The following MPDZ variants were observed in gnomAD, a reference collection of about 807,000 sequenced individuals.
MPDZ encodes the protein multiple PDZ domain crumbs cell polarity complex component.
MPDZ carries 234 observed loss-of-function variants against 239.1 expected under a neutral mutation model. That is an observed-to-expected ratio of 0.98 (90% CI 0.88 to 1.09). The LOEUF (loss-of-function observed/expected upper bound fraction) is 1.09, where lower values mean the gene tolerates loss of function less well. MPDZ is among the 50% of genes least tolerant of loss of function. MPDZ has a pLI of 0.00. For synonymous variants in MPDZ, 1,048 were observed against 881.3 expected, an observed-to-expected ratio of 1.19 and a Z score of -3.35; for missense variants, 3,175 against 2,510.0, an observed-to-expected ratio of 1.26 and a Z score of -5.66.
intron 22 of MPDZ, among the ~76,000 whole-genome samples, chr9:13,165,887 G>A (rs1432862675): frequency 6.6e-6 from 1 of 152,076 alleles, no homozygotes; most frequent in African/African-American, 2.4e-5. Flanking sequence ...TCTTAAACTG[G>A]CTGTTCTTGA....
At chr9:13,140,776 A>T (rs1164096509) in intron 27 of MPDZ, 1 of 152,120 alleles carries the variant, frequency 6.6e-6, no homozygotes, top group Non-Finnish European at 1.5e-5. Flanking sequence ...AGAAAAAAAA[A>T]TTAACAAAGA....
In MPDZ at chr9:13,125,219, G is replaced by A. The variant is rs770258839; in HGVS notation, c.4804C>T (p.Arg1602Ter). 8.2e-6 allele frequency: 13 copies of A among 1,590,900 alleles called. No individual in the cohort carries two copies. The highest frequency in any genetic ancestry group is 2.3e-5 in the South Asian group (2 of 88,464). ...QSGSPEPESI[R>*]NTSRSSTPAI... ...CTCATGAGTCCAGAGGCCTTACTTC[G>A]GATGGACTCCGGTTCTGGGGAGCCA... is the stretch of plus-strand genomic sequence containing the variant. Residue 1602 changes from arginine to a stop codon, truncating the protein, a stop_gained, in exon 35 of 47, where the codon CGA (arginine) becomes TGA (stop). Transcript: ENST00000319217. LOFTEE classifies it high-confidence loss of function.
chr9:13,259,020 G>A (rs1354090888), intron 1 of MPDZ, among the ~76,000 whole-genome samples: 1 of 152,064 alleles, frequency 6.6e-6, no homozygotes, highest in East Asian at 2.0e-4. Flanking sequence ...AGGAGGCAGA[G>A]GCTCAATACA....
At chr9:13,265,164 T>C (rs977973122) in intron 1 of MPDZ, among the ~76,000 whole-genome samples, 1 of 152,208 alleles carries the variant, frequency 6.6e-6, no homozygotes, top group African/African-American at 2.4e-5. Context: ...AATTCTTCAG[T>C]GCAGTTCCTA....
chr9:13,202,049 G>A (rs1315693732), intron 12 of MPDZ, among the ~76,000 whole-genome samples: 6 of 152,104 alleles, frequency 3.9e-5, no homozygotes, highest in Non-Finnish European at 8.8e-5. Flanking sequence ...TTACATTGAT[G>A]ATGGTTCATT....
At position 13,138,077 on chromosome 9, in the gene MPDZ, C is replaced by A. The variant is rs543556436; in HGVS notation, c.4080G>T (p.Leu1360Phe). ...MIELEKGHSG[L>F]GLSLAGNKDR... ...CTTTGTTCCCAGCAAGACTTAGGCC[C>A]AAACCACTATGACCTTTCTCCAGTT... Residue 1360 changes from leucine to phenylalanine, a missense_variant, in exon 29 of 47, where the codon TTG becomes TTT. Leu to Phe is a conservative substitution (Grantham distance 22). Coordinates refer to ENST00000319217, the MANE Select transcript of MPDZ (RefSeq NM_001378778.1). 3.1e-6 allele frequency: 5 copies of A among 1,613,726 alleles called. No homozygotes were observed. Among genetic ancestry groups the A allele is most frequent in the Non-Finnish European group, 4.2e-6 (5 of 1,179,726 alleles).
Position 13,166,539 on chromosome 9 carries a change from G to A in MPDZ, c.3254+1827C>T, listed in dbSNP as rs146347174. 5.6e-4 allele frequency among the ~76,000 whole-genome samples: 86 copies of A among 152,246 alleles called. 1 individual carries two copies. In the East Asian group the frequency reaches 0.015, roughly 27 times the overall value. ...CAACGTGTTTTGAATGTCTGCATGT[G>A]TGTTTACATACACGAGAGAGAGACT... On this transcript the variant is annotated intron_variant, in intron 22 of 46. Transcript: ENST00000319217.
At chr9:13,272,791 G>A (rs1973300297) in intron 1 of MPDZ, among the ~76,000 whole-genome samples, 1 of 151,894 alleles carries the variant, frequency 6.6e-6, no homozygotes, top group African/African-American at 2.4e-5. Context: ...GCAATACCCT[G>A]GGACACTTGT....
intron 1 of MPDZ, among the ~76,000 whole-genome samples, chr9:13,268,422 A>G (rs1200615512): frequency 2.0e-5 from 3 of 152,222 alleles, no homozygotes; most frequent in Non-Finnish European, 4.4e-5. Context: ...CAACCACCCC[A>G]AATTCCATAT....
chr9:13,133,963 T>G, intron 31 of MPDZ, 59 bp from the exon 32 acceptor site: 3 of 949,722 alleles, frequency 3.2e-6, no homozygotes, highest in Non-Finnish European at 4.4e-6. Context: ...TTTGATTTGT[T>G]TAAATATAAA....
chr9:13,205,918 T>G lies in MPDZ; in HGVS notation c.1472A>C (p.Lys491Thr), dbSNP rs1283066198. The change falls in exon 11 of 47, where the codon AAA becomes ACA. Residue 491 changes from lysine to threonine, a missense_variant and splice_region_variant. Physicochemically the swap from Lys to Thr is moderately conservative, Grantham distance 78. Coordinates refer to ENST00000319217, the MANE Select transcript of MPDZ (RefSeq NM_001378778.1). ...DLSPVNASII[K>T]ENYEKDEDFL... is the part of the protein sequence containing the mutation. ...AAACCAGATTAACATAGGATTACCT[T>G]TGATTATGCTGGCATTAACAGGAGA... 6.3e-7 allele frequency: 1 copy of G among 1,588,708 alleles called. No individual in the cohort carries two copies. Among genetic ancestry groups the G allele is most frequent in the Non-Finnish European group, 8.6e-7 (1 of 1,168,812 alleles).
At chr9:13,188,675 AACT>A (rs1954482164) in intron 17 of MPDZ, 106 bp downstream of exon 17, 2 of 839,868 alleles carry the variant, frequency 2.4e-6, no homozygotes, top group East Asian at 5.0e-5. Flanking sequence ...CGTTGATGAA[AACT>A]ACTAAAAGTC....
chr9:13,265,850 A>C lies in MPDZ; in HGVS notation c.-58+13550T>G, dbSNP rs868435561. ...AAAGGATGGAGACGATATTTCCAAT[A>C]CAGACAAAACTGTGGAACTAGGAGG... is the stretch of plus-strand genomic sequence containing the variant. On this transcript the variant is annotated intron_variant, in intron 1 of 46. Transcript: ENST00000319217. Among the ~76,000 whole-genome samples, 17 of 152,288 alleles carry C rather than the reference A, an allele frequency of 1.1e-4. No individual in the cohort carries two copies. In the South Asian group the frequency reaches 3.5e-3, roughly 32 times the overall value.
At chr9:13,262,290 T>C (rs974904707) in intron 1 of MPDZ, among the ~76,000 whole-genome samples, 1 of 147,262 alleles carries the variant, frequency 6.8e-6, no homozygotes, top group Non-Finnish European at 1.5e-5. Context: ...TAACAAAAAA[T>C]AAAAAAAAAA....
intron 32 of MPDZ, among the ~76,000 whole-genome samples, chr9:13,129,882 G>A (rs556156228): frequency 6.6e-6 from 1 of 152,198 alleles, no homozygotes; most frequent in South Asian, 2.1e-4. Flanking sequence ...ACAACGAGTT[G>A]TATAATTAAA....
chr9:13,214,759 T>C (rs1958073915), intron 10 of MPDZ, among the ~76,000 whole-genome samples: 1 of 152,006 alleles, frequency 6.6e-6, no homozygotes, highest in South Asian at 2.1e-4. Context: ...GTACAGTAAT[T>C]CATTTACATT....
At chr9:13,114,101 T>A in intron 40 of MPDZ, 80 bp from the exon 41 acceptor site, 1 of 1,045,754 alleles carries the variant, frequency 9.6e-7, no homozygotes, top group Non-Finnish European at 1.4e-6. Context: ...GAATTTAATC[T>A]AGAGACAGAT....
chr9:13,175,528 G>A (rs990749137), intron 21 of MPDZ, among the ~76,000 whole-genome samples: 2 of 152,052 alleles, frequency 1.3e-5, no homozygotes, highest in Non-Finnish European at 2.9e-5. Flanking sequence ...TGAGGCTTGT[G>A]AATACTCTGA....
At position 13,147,590 on chromosome 9, in the gene MPDZ, G is replaced by T. The variant is rs780782462; in HGVS notation, c.3699C>A (p.Asn1233Lys). The change falls in exon 26 of 47, where the codon AAC becomes AAA. Residue 1233 changes from asparagine to lysine, a missense_variant. Physicochemically the swap from Asn to Lys is moderately conservative, Grantham distance 94. Coordinates refer to ENST00000319217, the MANE Select transcript of MPDZ (RefSeq NM_001378778.1). Reference protein sequence around the residue: ...QAVEAIRKAGNPVVFMVQSII... With the variant: ...QAVEAIRKAGKPVVFMVQSII... ...TGCTCTGTACCATAAAGACTACAGG[G>T]TTGCCTGCTTTCCGAATGGCTTCCA... 16 of 1,612,338 alleles carry T rather than the reference G, an allele frequency of 9.9e-6. No homozygotes were observed. Among genetic ancestry groups the T allele is most frequent in the Non-Finnish European group, 1.2e-5 (14 of 1,178,806 alleles).
Sources: allele counts gnomAD v4.1 joint callset (sites outside exome capture counted in the v4.1 genomes callset), GRCh38; gene constraint gnomAD v4.1.1; transcripts MANE v1.5; gene names NCBI Gene and HGNC (gene_info 2026-07-23, HGNC 2026-07-21).